The following MCC variants were observed in gnomAD, a reference collection of about 807,000 sequenced individuals.
MCC encodes MCC regulator of Wnt signaling pathway.
In MCC, 90 loss-of-function variants were observed where a neutral mutation model predicts 116.2. That is an observed-to-expected ratio of 0.77 (90% CI 0.65 to 0.92). The LOEUF is 0.92. Among genes scored for constraint, MCC ranks in the 40% least tolerant of loss-of-function variants. MCC has a pLI of 0.00. For missense variants in MCC, 1,516 were observed against 1,312.2 expected, an observed-to-expected ratio of 1.16 and a Z score of -2.40; for synonymous variants, 578 against 510.5, an observed-to-expected ratio of 1.13 and a Z score of -1.78.
rs1289783527 is a variant in MCC, at chr5:113,068,079, C to G, written c.2029+1G>C. On this transcript the variant is annotated splice_donor_variant, in intron 13 of 18. Coordinates refer to ENST00000408903, the MANE Select transcript of MCC (RefSeq NM_001085377.2). LOFTEE classifies it high-confidence loss of function. ...GGAAGAGGGACTCTGGAGACACTTA[C>G]CAGGGGAGGACCCCACGCCCGCCGC... The G allele has an allele frequency of 1.2e-6, 2 of 1,613,418 alleles. No individual in the cohort carries two copies. The highest frequency in any genetic ancestry group is 1.7e-6 in the Non-Finnish European group (2 of 1,179,470).
At chr5:113,046,349 G>T (rs1347855128) in intron 16 of MCC, among the ~76,000 whole-genome samples, 1 of 151,970 alleles carries the variant, frequency 6.6e-6, no homozygotes, top group African/African-American at 2.4e-5. Flanking sequence ...CCACCACCAT[G>T]CCCGGCTAAT....
chr5:113,158,299 T>C (rs1207892810), intron 3 of MCC, among the ~76,000 whole-genome samples: 1 of 152,138 alleles, frequency 6.6e-6, no homozygotes, highest in East Asian at 1.9e-4. Context: ...GTGATGACAA[T>C]GGGTAGTGCC....
intron 5 of MCC, among the ~76,000 whole-genome samples, chr5:113,135,197 C>G (rs1458930448): frequency 6.6e-6 from 1 of 150,780 alleles, no homozygotes; most frequent in East Asian, 2.0e-4. Flanking sequence ...CTCGGCCTCC[C>G]AAGTTGCTGG....
chr5:113,152,589 G>C (rs1036204088), intron 3 of MCC, among the ~76,000 whole-genome samples: 2 of 152,192 alleles, frequency 1.3e-5, no homozygotes, highest in Non-Finnish European at 2.9e-5. Flanking sequence ...CAACTTTGAA[G>C]ATTCTCATTT....
chr5:113,215,540 G>C (rs892692495), intron 3 of MCC, among the ~76,000 whole-genome samples: 6 of 152,076 alleles, frequency 3.9e-5, no homozygotes, highest in Non-Finnish European at 5.9e-5. Flanking sequence ...TGGGATTAAG[G>C]CTCTTATAAA....
chr5:113,386,787 G>C (rs1268424472), intron 1 of MCC, among the ~76,000 whole-genome samples: 1 of 129,200 alleles, frequency 7.7e-6, no homozygotes, highest in African/African-American at 3.4e-5. Context: ...CTCTGCATCT[G>C]TGTATACACA....
At chr5:113,269,335 G>A (rs571924806) in intron 3 of MCC, 36 of 349,244 alleles carry the variant, frequency 1.0e-4, no homozygotes, top group Non-Finnish European at 1.2e-4. Flanking sequence ...TACCTTAACT[G>A]ATAAAGAATG....
intron 12 of MCC, among the ~76,000 whole-genome samples, chr5:113,069,518 G>C (rs1753876395): frequency 6.6e-6 from 1 of 152,246 alleles, no homozygotes; most frequent in Non-Finnish European, 1.5e-5. Flanking sequence ...TCTTCAAGCT[G>C]AACAGGGGAT....
chr5:113,453,850 C>T (rs1203916629), intron 1 of MCC, among the ~76,000 whole-genome samples: 1 of 152,116 alleles, frequency 6.6e-6, no homozygotes, highest in Non-Finnish European at 1.5e-5. Context: ...GTGGCTCACG[C>T]CTGTAATCCC....
chr5:113,051,652 A>T (rs945446908), intron 15 of MCC, among the ~76,000 whole-genome samples: 9 of 152,296 alleles, frequency 5.9e-5, no homozygotes, highest in Middle Eastern at 3.4e-3. Context: ...TTCCAGCCCA[A>T]GGGCGAGGCT....
intron 5 of MCC, among the ~76,000 whole-genome samples, chr5:113,128,276 C>T (rs1758200629): frequency 6.6e-6 from 1 of 152,230 alleles, no homozygotes; most frequent in Admixed American, 6.5e-5. Context: ...CCTGCTTTGA[C>T]AGCTGTCAAG....
intron 2 of MCC, among the ~76,000 whole-genome samples, chr5:113,355,993 G>T (rs776243741): frequency 6.6e-6 from 1 of 151,742 alleles, no homozygotes; most frequent in Non-Finnish European, 1.5e-5. Context: ...TGCACAAACA[G>T]AAGCAAAGGA....
chr5:113,077,577 A>C (rs1362731500), intron 11 of MCC, among the ~76,000 whole-genome samples: 1 of 152,244 alleles, frequency 6.6e-6, no homozygotes, highest in Non-Finnish European at 1.5e-5. Context: ...AATGAAATGA[A>C]GGCAGAAATA....
intron 16 of MCC, among the ~76,000 whole-genome samples, chr5:113,045,126 C>A (rs1347820378): frequency 6.6e-6 from 1 of 152,186 alleles, no homozygotes; most frequent in African/African-American, 2.4e-5. Flanking sequence ...TTTTGTATAT[C>A]CATTCCCATT....
At position 113,401,981 on chromosome 5, in the gene MCC, G is replaced by A. The variant is rs140935368; in HGVS notation, c.171-16769C>T. On this transcript the variant is annotated intron_variant, in intron 1 of 18. Transcript: ENST00000408903. ...CCTCCTGCCTCAGCCTCCCAAGTAG[G>A]TAGGACTATGGGGGCACAAAAACAC... Among the ~76,000 whole-genome samples, 297 of 151,796 alleles carry A rather than the reference G, an allele frequency of 2.0e-3. 6 individuals are homozygous for A. The East Asian group carries it at 0.02, about 10-fold the overall frequency.
intron 3 of MCC, among the ~76,000 whole-genome samples, chr5:113,227,078 A>C (rs567246141): frequency 2.0e-5 from 3 of 152,308 alleles, no homozygotes; most frequent in African/African-American, 7.2e-5. Context: ...TTTTTCTTTT[A>C]CTTTTTCGAT....
At chr5:113,035,642 G>A (rs865959767) in intron 17 of MCC, among the ~76,000 whole-genome samples, 1 of 152,116 alleles carries the variant, frequency 6.6e-6, no homozygotes, top group African/African-American at 2.4e-5. Context: ...GCACAGCCAG[G>A]GCCTCTTCCG....
chr5:113,408,483 T>C (rs538135005), intron 1 of MCC, among the ~76,000 whole-genome samples: 146 of 152,338 alleles, frequency 9.6e-4, no homozygotes, highest in Non-Finnish European at 1.6e-3. Context: ...GCCCAATCTT[T>C]ACCTGACAAT....
chr5:113,393,689 G>A (rs1386385862), intron 1 of MCC, among the ~76,000 whole-genome samples: 1 of 152,224 alleles, frequency 6.6e-6, no homozygotes, highest in Non-Finnish European at 1.5e-5. Context: ...CCTACATAGA[G>A]AGTATTCCCT....
Sources: gnomAD v4.1 joint callset for allele counts (sites outside exome capture counted in the v4.1 genomes callset) on GRCh38, gnomAD v4.1.1 for gene constraint, MANE v1.5 for transcripts, NCBI Gene and HGNC (gene_info 2026-07-23, HGNC 2026-07-21) for gene names.